The following SGCZ variants were observed in gnomAD, a reference collection of about 807,000 sequenced individuals.
The protein encoded by SGCZ is sarcoglycan zeta.
In SGCZ, 40 loss-of-function variants were observed where a neutral mutation model predicts 41.3. That is an observed-to-expected ratio of 0.97 (90% CI 0.75 to 1.26). The LOEUF is 1.26. Among genes scored for constraint, SGCZ ranks in the 50% most tolerant of loss-of-function variants. SGCZ has a pLI of 0.00. For synonymous variants in SGCZ, 206 were observed against 137.5 expected (o/e 1.50, Z -3.49); for missense variants, 552 against 369.8 (o/e 1.49, Z -4.04).
At chr8:14,145,177 G>A (rs1803483989) in intron 5 of SGCZ, among the ~76,000 whole-genome samples, 1 of 152,118 alleles carries the variant, frequency 6.6e-6, no homozygotes, top group South Asian at 2.1e-4. Context: ...CAGTCATAGT[G>A]GTAGGGGCCA....
chr8:15,016,587 C>G lies in SGCZ; in HGVS notation c.39+220998G>C, dbSNP rs891635164. 2.0e-5 allele frequency among the ~76,000 whole-genome samples: 3 copies of G among 152,186 alleles called. No individual in the cohort carries two copies. The East Asian group carries it at 5.8e-4, about 29-fold the overall frequency. On this transcript the variant is annotated intron_variant, in intron 1 of 7. Transcript: ENST00000382080. ...CTCATTGAATGTATTCCCAGTCTCT[C>G]TGGGCTCTATACTAGGTTAAGAGCA... is the stretch of plus-strand genomic sequence containing the variant.
chr8:14,615,400 C>G (rs1425455933), intron 1 of SGCZ, among the ~76,000 whole-genome samples: 1 of 152,222 alleles, frequency 6.6e-6, no homozygotes, highest in Non-Finnish European at 1.5e-5. Flanking sequence ...CATAAAAGCT[C>G]ACTGCTCTCA....
At chr8:14,533,871 C>T (rs932890221) in intron 2 of SGCZ, among the ~76,000 whole-genome samples, 3 of 152,020 alleles carry the variant, frequency 2.0e-5, no homozygotes, top group East Asian at 3.9e-4. Context: ...AGTTTTCATG[C>T]TGTCATGGTG....
chr8:14,149,666 A>AG (rs1301739055), intron 5 of SGCZ, among the ~76,000 whole-genome samples: 2 of 151,486 alleles, frequency 1.3e-5, no homozygotes. Flanking sequence ...GAAAAAAAAA[A>AG]AAAACACAAT....
At chr8:14,373,755 T>G (rs1804000099) in intron 2 of SGCZ, among the ~76,000 whole-genome samples, 2 of 152,218 alleles carry the variant, frequency 1.3e-5, no homozygotes, top group African/African-American at 4.8e-5. Flanking sequence ...TGAGAGGAAT[T>G]GTAAACGGTA....
rs990052387 is a variant in SGCZ, at chr8:14,479,999, C to T, written c.234+74733G>A. ...ACCTCAAGTGATCCACCCGCCTCGGCATCCCAAAGCACCGGGATTACGGGC... is the reference window on the plus strand; with the variant it reads ...ACCTCAAGTGATCCACCCGCCTCGGTATCCCAAAGCACCGGGATTACGGGC... On this transcript the variant is annotated intron_variant, in intron 2 of 7. Transcript: ENST00000382080. Among the ~76,000 whole-genome samples the T allele has an allele frequency of 3.9e-5, 6 of 152,186 alleles. No individual in the cohort carries two copies. The East Asian group carries it at 9.7e-4, about 25-fold the overall frequency.
chr8:14,681,737 C>T (rs9325729), intron 1 of SGCZ, among the ~76,000 whole-genome samples: 30,146 of 151,994 alleles, frequency 0.2, 3,669 homozygotes, highest in East Asian at 0.44. Context: ...GCTATTTCAT[C>T]AACCCTTCTT....
chr8:14,948,708 A>G (rs1012828648), intron 1 of SGCZ, among the ~76,000 whole-genome samples: 2 of 152,202 alleles, frequency 1.3e-5, no homozygotes, highest in Admixed American at 1.3e-4. Context: ...TGTTACTTTC[A>G]TCAGCAACAT....
In SGCZ at chr8:14,728,527, A is replaced by G. The variant is rs1810133839; in HGVS notation, c.40-173601T>C. ...GACACGAAAATGAATTATGAATAGTAAAATAATGGAGATTTTAGTAAACAT... is the reference window on the plus strand; with the variant it reads ...GACACGAAAATGAATTATGAATAGTGAAATAATGGAGATTTTAGTAAACAT... On this transcript the variant is annotated intron_variant, in intron 1 of 7. Coordinates refer to ENST00000382080, the MANE Select transcript of SGCZ (RefSeq NM_139167.4). 2.6e-5 allele frequency among the ~76,000 whole-genome samples: 4 copies of G among 152,248 alleles called. No homozygotes were observed. In the South Asian group the frequency reaches 6.2e-4, roughly 24 times the overall value.
intron 1 of SGCZ, among the ~76,000 whole-genome samples, chr8:14,751,131 A>T (rs1434532470): frequency 6.6e-6 from 1 of 152,208 alleles, no homozygotes; most frequent in Non-Finnish European, 1.5e-5. Flanking sequence ...ATTTTTAAGT[A>T]TATGCATTTT....
chr8:15,095,182 T>G (rs1412857733), intron 1 of SGCZ, among the ~76,000 whole-genome samples: 7 of 152,130 alleles, frequency 4.6e-5, no homozygotes, highest in Non-Finnish European at 1.0e-4. Flanking sequence ...CACTGCAACC[T>G]CCATCTCCCG....
intron 2 of SGCZ, among the ~76,000 whole-genome samples, chr8:14,429,874 G>T (rs1387592237): frequency 1.3e-5 from 2 of 151,866 alleles, no homozygotes; most frequent in Non-Finnish European, 2.9e-5. Flanking sequence ...AATTCTTCCT[G>T]ATATAAGCTA....
At chr8:15,177,059 T>G (rs1297127837) in intron 1 of SGCZ, among the ~76,000 whole-genome samples, 11 of 152,216 alleles carry the variant, frequency 7.2e-5, no homozygotes, top group Admixed American at 4.6e-4. Context: ...TGTTAACACT[T>G]TTTTAATGTG....
At chr8:14,128,441 C>A (rs1362911085) in intron 5 of SGCZ, among the ~76,000 whole-genome samples, 2 of 152,174 alleles carry the variant, frequency 1.3e-5, no homozygotes, top group Admixed American at 6.5e-5. Flanking sequence ...AACGCTTATA[C>A]ACTGTTGGTG....
intron 2 of SGCZ, among the ~76,000 whole-genome samples, chr8:14,371,139 C>T (rs1272462052): frequency 6.6e-6 from 1 of 151,844 alleles, no homozygotes; most frequent in African/African-American, 2.4e-5. Context: ...TGGTAAACAC[C>T]TTCAGGAAAT....
At chr8:14,165,049 T>A (rs1173066099) in intron 4 of SGCZ, 1 of 247,306 alleles carries the variant, frequency 4.0e-6, no homozygotes, top group Non-Finnish European at 8.0e-6. Context: ...ACCTGCTGGA[T>A]GCTTAATAAG....
chr8:14,476,623 G>C (rs1397041562), intron 2 of SGCZ, among the ~76,000 whole-genome samples: 1 of 152,076 alleles, frequency 6.6e-6, no homozygotes, highest in Non-Finnish European at 1.5e-5. Context: ...TAAGATTAAT[G>C]ATTCATTTAT....
At chr8:14,795,812 C>T (rs1801107654) in intron 1 of SGCZ, among the ~76,000 whole-genome samples, 1 of 152,064 alleles carries the variant, frequency 6.6e-6, no homozygotes, top group Admixed American at 6.5e-5. Context: ...TTTCCTGATC[C>T]TCTTCCTCCT....
At chr8:14,606,525 T>C (rs1435577845) in intron 1 of SGCZ, among the ~76,000 whole-genome samples, 1 of 152,204 alleles carries the variant, frequency 6.6e-6, no homozygotes, top group Non-Finnish European at 1.5e-5. Flanking sequence ...TCCACCTAAA[T>C]GGCAGGAATC....
Sources: gnomAD v4.1 joint callset for allele counts (sites outside exome capture counted in the v4.1 genomes callset) on GRCh38, gnomAD v4.1.1 for gene constraint, MANE v1.5 for transcripts, NCBI Gene and HGNC (gene_info 2026-07-23, HGNC 2026-07-21) for gene names.